The following GPR35 variants were observed in gnomAD, a reference collection of about 807,000 sequenced individuals.
GPR35 encodes the protein G protein-coupled receptor 35.
For synonymous variants in GPR35, 207 were observed against 198.4 expected (o/e 1.04, Z -0.36); for missense variants, 372 against 422.5 (o/e 0.88, Z 1.05).
upstream of GPR35, among the ~76,000 whole-genome samples, chr2:240,624,015 G>T (rs73999961): frequency 8.5e-3 from 1,285 of 151,988 alleles, 14 homozygotes; most frequent in African/African-American, 0.028. Flanking sequence ...GTGGTGGGGG[G>T]GGTGGGGGAG....
upstream of GPR35, chr2:240,625,147 C>G (rs530321621): frequency 7.4e-6 from 4 of 537,760 alleles, no homozygotes; most frequent in African/African-American, 8.2e-5. Context: ...GGGAAGGTTT[C>G]CGAGATGACA....
chr2:240,624,557 C>T (rs185109587), upstream of GPR35, among the ~76,000 whole-genome samples: 3 of 152,194 alleles, frequency 2.0e-5, no homozygotes, highest in South Asian at 2.1e-4. Context: ...CTGGGCCAAG[C>T]GCTTCCCTTC....
exon 4 of GPR35, chr2:240,617,223 G>A (rs1174636211): frequency 1.6e-6 from 1 of 644,942 alleles, no homozygotes; most frequent in African/African-American, 1.8e-5. Context: ...GGAGCTGGAA[G>A]TGAATCTCCT....
At chr2:240,613,707 C>T (rs1415322660) in intron 2 of GPR35, among the ~76,000 whole-genome samples, 2 of 151,876 alleles carry the variant, frequency 1.3e-5, no homozygotes, top group African/African-American at 2.4e-5. Flanking sequence ...CCACCCTATT[C>T]CGAACCTTAA....
Position 240,631,196 on chromosome 2 carries a change from C to G in GPR35, c.*314C>G. On this transcript the variant is annotated 3_prime_UTR_variant, in exon 2 of 2. Coordinates refer to ENST00000407714, the MANE Select transcript of GPR35 (RefSeq NM_005301.5). ...GGGTTCCTGCTGGCCAGGGTGCAGC[C>G]TTGATGACACCTGCCGCTGCCCCTC... The G allele has an allele frequency of 2.4e-6, 1 of 411,732 alleles. No homozygotes were observed. Among genetic ancestry groups the G allele is most frequent in the East Asian group, 4.3e-5 (1 of 23,112 alleles). 25.5% of individuals were successfully genotyped at this position (411,732 alleles called of 1,614,324 possible).
chr2:240,632,192 G>T lies in GPR35; in HGVS notation c.*1310G>T, dbSNP rs959455938. Reference sequence around the variant, plus strand: ...ACGCAAGGGTGTCCATGCCTGGTTGGGGGGGGTCTATGTCCAGGAGGGTCC... The same window carrying T: ...ACGCAAGGGTGTCCATGCCTGGTTGTGGGGGGTCTATGTCCAGGAGGGTCC... On this transcript the variant is annotated 3_prime_UTR_variant, in exon 2 of 2. Coordinates refer to ENST00000407714, the MANE Select transcript of GPR35 (RefSeq NM_005301.5). Among the ~76,000 whole-genome samples the T allele has an allele frequency of 6.6e-6, 1 of 151,830 alleles. No homozygotes were observed. Among genetic ancestry groups the T allele is most frequent in the Admixed American group, 6.6e-5 (1 of 15,254 alleles).
intron 3 of GPR35, among the ~76,000 whole-genome samples, chr2:240,616,708 G>A (rs1482205079): frequency 1.4e-5 from 2 of 143,038 alleles, no homozygotes; most frequent in African/African-American, 5.3e-5. Flanking sequence ...CTGAAGGGTG[G>A]CTGGACTTAC....
At chr2:240,616,651 A>AT (rs1553614498) in intron 3 of GPR35, 14 of 640,250 alleles carry the variant, frequency 2.2e-5, no homozygotes, top group Non-Finnish European at 3.1e-5. Flanking sequence ...CTGCCAAGAG[A>AT]CCCCCCAGTG....
chr2:240,618,795 A>T (rs185661571), intron 4 of GPR35: 1 of 533,866 alleles, frequency 1.9e-6, no homozygotes, highest in East Asian at 3.1e-5. Context: ...AATTGTCTAT[A>T]TGTACATAAA....
intron 2 of GPR35, chr2:240,606,663 CA>C (rs1559431409): frequency 6.6e-6 from 1 of 152,176 alleles, no homozygotes; most frequent in East Asian, 1.9e-4. Context: ...GTGAGAGTGG[CA>C]GGGGGGGTAT....
At chr2:240,613,894 C>G (rs572993244) in intron 2 of GPR35, among the ~76,000 whole-genome samples, 2 of 151,650 alleles carry the variant, frequency 1.3e-5, no homozygotes, top group East Asian at 1.9e-4. Context: ...AACCTTACCC[C>G]TAACCATAAC....
rs183711461 is a variant in GPR35, at chr2:240,616,690, A to G, written c.-453+179A>G. Among the ~76,000 whole-genome samples, 551 of 144,408 alleles carry G rather than the reference A, an allele frequency of 3.8e-3. 4 individuals carry two copies. The highest frequency in any genetic ancestry group is 4.2e-3 in the Non-Finnish European group (280 of 66,934). The allele number at this position is 144,408 out of a possible 152,430, so 94.7% of individuals were successfully genotyped here. ...GATTCCTGCCTCCTGCTGTCATGCAATTCCCTCCTGAAGGGTGGCTGGACT... is the reference window on the plus strand; with the variant it reads ...GATTCCTGCCTCCTGCTGTCATGCAGTTCCCTCCTGAAGGGTGGCTGGACT... On this transcript the variant is annotated intron_variant, in intron 3 of 5. Coordinates refer to the GPR35 transcript ENST00000319838.
chr2:240,617,663 A>T (rs2043252838), intron 4 of GPR35: 1 of 177,388 alleles, frequency 5.6e-6, no homozygotes, highest in South Asian at 1.2e-4. Flanking sequence ...TAAAATAATG[A>T]ACTGTTTTCC....
At chr2:240,624,014 G>GC (rs1246432799), upstream of GPR35, among the ~76,000 whole-genome samples, 2 of 151,962 alleles carry the variant, frequency 1.3e-5, no homozygotes, top group Non-Finnish European at 2.9e-5. Context: ...GGTGGTGGGG[G>GC]GGGTGGGGGA....
intron 1 of GPR35, among the ~76,000 whole-genome samples, chr2:240,626,844 C>T (rs986455216): frequency 2.0e-5 from 3 of 152,082 alleles, no homozygotes; most frequent in Non-Finnish European, 4.4e-5. Flanking sequence ...GGGGTCTGGG[C>T]GGGTCCCGGG....
chr2:240,624,873 G>T (rs2043351256), upstream of GPR35, among the ~76,000 whole-genome samples: 1 of 152,168 alleles, frequency 6.6e-6, no homozygotes, highest in Non-Finnish European at 1.5e-5. Context: ...CTTCTGAGGG[G>T]GTGGGCTTGG....
chr2:240,613,540 T>A (rs994709664), intron 2 of GPR35, among the ~76,000 whole-genome samples: 4 of 151,784 alleles, frequency 2.6e-5, no homozygotes, highest in African/African-American at 9.7e-5. Context: ...ACCCTAACCA[T>A]AACCATAAAT....
At position 240,608,334 on chromosome 2, in the gene GPR35, G is replaced by A. The variant is rs527910120; in HGVS notation, c.-577+1722G>A. Among the ~76,000 whole-genome samples, 61 of 152,240 alleles carry A rather than the reference G, an allele frequency of 4.0e-4. 1 individual carries two copies. The South Asian group carries it at 9.5e-3, about 24-fold the overall frequency. On this transcript the variant is annotated intron_variant, in intron 2 of 5. Transcript: ENST00000319838. ...TTAATAGAAATGTGAGAGCCACTTCGTTTGTTTCTGAGTATAGTGAGAAAG... is the reference window on the plus strand; with the variant it reads ...TTAATAGAAATGTGAGAGCCACTTCATTTGTTTCTGAGTATAGTGAGAAAG...
intron 2 of GPR35, among the ~76,000 whole-genome samples, chr2:240,613,768 C>T (rs1174667603): frequency 6.8e-6 from 1 of 147,536 alleles, no homozygotes; most frequent in Admixed American, 6.7e-5. Context: ...CTAACCGAAA[C>T]CCTAACTCTA....
Sources: allele counts gnomAD v4.1 joint callset (sites outside exome capture counted in the v4.1 genomes callset), GRCh38; gene constraint gnomAD v4.1.1; transcripts MANE v1.5; gene names NCBI Gene and HGNC (gene_info 2026-07-23, HGNC 2026-07-21).